Variants in SMARCA4 observed in about 807,000 individuals in gnomAD.
The protein encoded by SMARCA4 is SWI/SNF related BAF chromatin remodeling complex subunit ATPase 4.
Under a neutral mutation model 193.9 loss-of-function variants are expected in SMARCA4, and 31 were observed. That is an observed-to-expected ratio of 0.16 (90% CI 0.12 to 0.22). The LOEUF is 0.22. SMARCA4 is among the 10% of genes least tolerant of loss of function. The pLI is 1.00. For synonymous variants in SMARCA4, 942 were observed against 933.1 expected (o/e 1.01, Z -0.17); for missense variants, 1,148 against 2,296.0 (o/e 0.50, Z 10.22).
chr19:10,989,182 C>T, intron 6 of SMARCA4, 135 bp from the exon 7 acceptor site: 1 of 1,118,904 alleles, frequency 8.9e-7, no homozygotes. Flanking sequence ...CTGCGGCCAG[C>T]ATCCTCTTCT....
rs2076656579 is a variant in SMARCA4 at position 11,058,227 on chromosome 19, G to T, written c.4425-28G>T. 6.5e-7 allele frequency: 1 copy of T among 1,540,784 alleles called. No homozygotes were observed. Among genetic ancestry groups the T allele is most frequent in the Admixed American group, 1.7e-5 (1 of 59,922 alleles). ...GGGCTCCCGGGTGGGCGGACTCGGG[G>T]GTGATAGCCGCCGGTTCTGCCTTGC... On this transcript the variant is annotated intron_variant, in intron 30 of 34. Coordinates refer to ENST00000344626, the MANE Select transcript of SMARCA4 (RefSeq NM_003072.5). The surrounding 1 kb of genome is among the most constrained non-coding windows in gnomAD (Gnocchi z 5.8).
At chr19:10,988,397 G>A (rs767368289) in intron 6 of SMARCA4, among the ~76,000 whole-genome samples, 53 of 152,066 alleles carry the variant, frequency 3.5e-4, no homozygotes, top group Non-Finnish European at 4.0e-4. Flanking sequence ...ATGAGCCACC[G>A]CACCTGGCAT....
chr19:10,984,474 T>G lies in SMARCA4; in HGVS notation c.222+101T>G. 1 of 1,544,900 alleles carries G rather than the reference T, an allele frequency of 6.5e-7. No homozygotes were observed. Among genetic ancestry groups the G allele is most frequent in the East Asian group, 2.4e-5 (1 of 40,880 alleles). ...CTTACTTGGAGGATGGGGGGAAGCCTTCTTGTTGGAGGTGTCCTGCCTTGG... is the reference window on the plus strand; with the variant it reads ...CTTACTTGGAGGATGGGGGGAAGCCGTCTTGTTGGAGGTGTCCTGCCTTGG... On this transcript the variant is annotated intron_variant, in intron 2 of 34. Coordinates refer to ENST00000344626, the MANE Select transcript of SMARCA4 (RefSeq NM_003072.5). This position sits in a 1 kb window ranked among gnomAD's most constrained non-coding sequence, Gnocchi z 4.3.
intron 30 of SMARCA4, among the ~76,000 whole-genome samples, chr19:11,047,323 C>G (rs927939284): frequency 6.6e-6 from 1 of 152,116 alleles, no homozygotes; most frequent in Non-Finnish European, 1.5e-5. Context: ...TCCTTTGTCT[C>G]CTCCCTGTGG....
intron 1 of SMARCA4, among the ~76,000 whole-genome samples, chr19:10,980,052 T>C (rs2085440138): frequency 6.6e-6 from 1 of 152,146 alleles, no homozygotes; most frequent in South Asian, 2.1e-4. Context: ...CCAGTGCTTG[T>C]TCAAGTGCAG....
intron 1 of SMARCA4, among the ~76,000 whole-genome samples, chr19:10,974,685 ATATATTTTTTTTTTTTTTTTTTTTTT>A (rs1319258484): frequency 2.9e-4 from 14 of 48,728 alleles, no homozygotes; most frequent in African/African-American, 1.2e-3. Flanking sequence ...ATATATATAT[ATATATTTTTTTTTTTTTTTTTTTTTT>A]TTTTTTTTTT....
rs113562237 is a variant in SMARCA4, at chr19:11,062,005, A to G, written c.*189A>G. 5 of 646,348 alleles carry G rather than the reference A, an allele frequency of 7.7e-6. No homozygotes were observed. Among genetic ancestry groups the G allele is most frequent in the South Asian group, 1.7e-5 (1 of 57,812 alleles). The allele number at this position is 646,348 out of a possible 1,614,324, so 40.0% of individuals were successfully genotyped here. A position where few individuals can be genotyped will look rare whatever the true frequency, so the allele number is the denominator to read the frequency against. On this transcript the variant is annotated 3_prime_UTR_variant, in exon 35 of 35. Coordinates refer to ENST00000344626, the MANE Select transcript of SMARCA4 (RefSeq NM_003072.5). ...TTGTGACTGGCCCTGTCCTGGCATC[A>G]GTAGCATCTGTAACAGCATTAACTG...
chr19:11,009,007 C>CTTTTTTTTTTTTTTT lies in SMARCA4; in HGVS notation c.2123+1004_2123+1018dup, dbSNP rs762148337. On this transcript the variant is annotated intron_variant, in intron 14 of 34. Coordinates refer to ENST00000344626, the MANE Select transcript of SMARCA4 (RefSeq NM_003072.5). ...AAAAAATGTAGGTGGATAAAAGTCA[C>CTTTTTTTTTTTTTTT]TTTTTTTTTTTTTTTTTTTTTTTTT... Among the ~76,000 whole-genome samples, 14 of 40,948 alleles carry CTTTTTTTTTTTTTTT rather than the reference C, an allele frequency of 3.4e-4. 2 individuals are homozygous for CTTTTTTTTTTTTTTT. The highest frequency in any genetic ancestry group is 9.1e-4 in the East Asian group (1 of 1,102). The allele number at this position is 40,948 out of a possible 152,430, so 26.9% of individuals were successfully genotyped here. A position where few individuals can be genotyped will look rare whatever the true frequency, so the allele number is the denominator to read the frequency against.
chr19:10,964,418 C>A (rs1212113136), intron 1 of SMARCA4, among the ~76,000 whole-genome samples: 1 of 151,472 alleles, frequency 6.6e-6, no homozygotes, highest in African/African-American at 2.4e-5. Context: ...TCAAGCGATT[C>A]TTCTGACTCA....
At chr19:11,022,025 T>A (rs1244118772) in intron 19 of SMARCA4, 58 bp downstream of exon 19, 1 of 1,608,604 alleles carries the variant, frequency 6.2e-7, no homozygotes, top group South Asian at 1.1e-5. Context: ...GCTTTGCTGG[T>A]TGGAACGTGT....
In SMARCA4 at chr19:10,985,877, C is replaced by T. The variant is rs1189774504; in HGVS notation, c.356-312C>T. The stretch of plus-strand genomic sequence containing the variant: ...ATGGAAGTGTTGGGGGTGGGCCTGG[C>T]GAGCCCGAGGATGTGGACCCCGCCT... On this transcript the variant is annotated intron_variant, in intron 3 of 34. Coordinates refer to ENST00000344626, the MANE Select transcript of SMARCA4 (RefSeq NM_003072.5). This position sits in a 1 kb window ranked among gnomAD's most constrained non-coding sequence, Gnocchi z 4.5. 2.0e-5 allele frequency among the ~76,000 whole-genome samples: 3 copies of T among 152,114 alleles called. No individual in the cohort carries two copies. Among genetic ancestry groups the T allele is most frequent in the African/African-American group, 4.8e-5 (2 of 41,398 alleles).
In SMARCA4 at chr19:10,985,234, C is replaced by G; in HGVS notation, c.223-39C>G. The G allele has an allele frequency of 6.2e-7, 1 of 1,613,100 alleles. No homozygotes were observed. Among genetic ancestry groups the G allele is most frequent in the South Asian group, 1.1e-5 (1 of 91,040 alleles). ...CATAGCTGCGCTGCCACCTCACGTTCCACATGCTGACCCTGCCTTGCCATG... is the reference window on the plus strand; with the variant it reads ...CATAGCTGCGCTGCCACCTCACGTTGCACATGCTGACCCTGCCTTGCCATG... On this transcript the variant is annotated intron_variant, in intron 2 of 34. Transcript: ENST00000344626. This position sits in a 1 kb window ranked among gnomAD's most constrained non-coding sequence, Gnocchi z 4.5.
chr19:11,033,283 C>G lies in SMARCA4; in HGVS notation c.3547-7C>G, dbSNP rs750594452. 1 of 1,610,276 alleles carries G rather than the reference C, an allele frequency of 6.2e-7. No individual in the cohort carries two copies. Among genetic ancestry groups the G allele is most frequent in the Non-Finnish European group, 8.5e-7 (1 of 1,177,688 alleles). On this transcript the variant is annotated splice_region_variant and splice_polypyrimidine_tract_variant and intron_variant, in intron 25 of 34. Coordinates refer to ENST00000344626, the MANE Select transcript of SMARCA4 (RefSeq NM_003072.5). This position sits in a 1 kb window ranked among gnomAD's most constrained non-coding sequence, Gnocchi z 9.8. ...CCTTTGGGACTGACTGGCACCTCTT[C>G]CCCCAGGACCTGCAAGCGCAGGACC...
chr19:11,045,855 G>A lies in SMARCA4; in HGVS notation c.4424+4295G>A, dbSNP rs1055643302. ...TCCCAGCACTTTGGGAGGCCGAGGC[G>A]GAGGATCACTTGAGCCCAGGAGTTC... On this transcript the variant is annotated intron_variant, in intron 30 of 34. Coordinates refer to ENST00000344626, the MANE Select transcript of SMARCA4 (RefSeq NM_003072.5). Among the ~76,000 whole-genome samples, 6 of 152,224 alleles carry A rather than the reference G, an allele frequency of 3.9e-5. No individual in the cohort carries two copies. In the South Asian group the frequency reaches 6.2e-4, roughly 16 times the overall value.
chr19:10,976,582 C>A (rs1387899300), intron 1 of SMARCA4, among the ~76,000 whole-genome samples: 1 of 151,778 alleles, frequency 6.6e-6, no homozygotes, highest in Non-Finnish European at 1.5e-5. Flanking sequence ...ACGGCGAGAC[C>A]TCATTTCTAT....
chr19:11,030,183 C>G lies in SMARCA4; in HGVS notation c.3383-547C>G, dbSNP rs980917322. Among the ~76,000 whole-genome samples, 6 of 152,180 alleles carry G rather than the reference C, an allele frequency of 3.9e-5. No individual in the cohort carries two copies. The highest frequency in any genetic ancestry group is 7.3e-5 in the Non-Finnish European group (5 of 68,044). On this transcript the variant is annotated intron_variant, in intron 24 of 34. Transcript: ENST00000344626. This position sits in a 1 kb window ranked among gnomAD's most constrained non-coding sequence, Gnocchi z 5.5. ...TGATCCTGCCAGAAAGGACACGAGCCCCCTTTATAAGGTCTCCATGCTTTT... is the reference window on the plus strand; with the variant it reads ...TGATCCTGCCAGAAAGGACACGAGCGCCCTTTATAAGGTCTCCATGCTTTT...
rs537215591 is a variant in SMARCA4 at position 11,025,939 on chromosome 19, T to G, written c.3169-361T>G. Among the ~76,000 whole-genome samples the G allele has an allele frequency of 1.3e-3, 195 of 152,282 alleles. 6 individuals are homozygous for G. The South Asian group carries it at 0.039, about 31-fold the overall frequency. On this transcript the variant is annotated intron_variant, in intron 22 of 34. Coordinates refer to ENST00000344626, the MANE Select transcript of SMARCA4 (RefSeq NM_003072.5). ...TGGGTTCTTAGAAGCATGCATATGT[T>G]CGTGTTTCTTGGTGTAAAGTGTCAG...
chr19:10,964,051 A>C lies in SMARCA4; in HGVS notation c.-32+2877A>C, dbSNP rs150700855. ...TAGGAGACGTAAATGTTGATCGTGC[A>C]GGCTTTTGAGCAGGGGAGGTGATGT... On this transcript the variant is annotated intron_variant, in intron 1 of 34. Transcript: ENST00000344626. 3.1e-3 allele frequency among the ~76,000 whole-genome samples: 476 copies of C among 152,352 alleles called. 1 individual carries two copies. The highest frequency in any genetic ancestry group is 0.011 in the African/African-American group (463 of 41,588).
intron 8 of SMARCA4, among the ~76,000 whole-genome samples, chr19:10,992,149 TC>T (rs2086614273): frequency 6.6e-6 from 1 of 151,432 alleles, no homozygotes; most frequent in South Asian, 2.1e-4. Context: ...TCTCGCTGTG[TC>T]ACTGAGGCTG....
Sources: gnomAD v4.1 joint callset for allele counts (sites outside exome capture counted in the v4.1 genomes callset) on GRCh38, gnomAD v4.1.1 for gene constraint, Gnocchi (gnomAD v3.1) non-coding constraint, MANE v1.5 for transcripts, NCBI Gene and HGNC (gene_info 2026-07-23, HGNC 2026-07-21) for gene names.